CCDC88A: variants seen among roughly 807,000 people sequenced by gnomAD.
The protein encoded by CCDC88A is coiled-coil and HOOK domain protein 88A.
In CCDC88A, 54 loss-of-function variants were observed where a neutral mutation model predicts 234.3. That is an observed-to-expected ratio of 0.23 (90% confidence interval 0.19 to 0.29). The LOEUF (loss-of-function observed/expected upper bound fraction) is 0.29, where lower values mean the gene tolerates loss of function less well. Among genes scored for constraint, CCDC88A ranks in the 10% least tolerant of loss-of-function variants. The probability of loss-of-function intolerance (pLI) is 1.00; values close to 1 mark genes in which losing one functional copy is unlikely to be tolerated. For missense variants in CCDC88A, 1,832 were observed against 2,123.4 expected, an observed-to-expected ratio of 0.86 and a Z score of 2.70; for synonymous variants, 753 against 737.8, an observed-to-expected ratio of 1.02 and a Z score of -0.33.
chr2:55,390,003 T>C (rs1676346099), intron 2 of CCDC88A, among the ~76,000 whole-genome samples: 1 of 112,998 alleles, frequency 8.8e-6, no homozygotes, highest in South Asian at 2.7e-4. Context: ...ATCGCACCAC[T>C]GCACTCCAGC....
chr2:55,394,759 G>A (rs1195876966), intron 2 of CCDC88A: 1 of 150,896 alleles, frequency 6.6e-6, no homozygotes, highest in Non-Finnish European at 1.5e-5. Flanking sequence ...GTATACATAT[G>A]TAACAAACCT....
chr2:55,316,504 C>T (rs958329864), intron 21 of CCDC88A, among the ~76,000 whole-genome samples: 11 of 151,968 alleles, frequency 7.2e-5, no homozygotes, highest in Admixed American at 3.9e-4. Context: ...TCACTTGAGG[C>T]CAGGAGTTTG....
Position 55,308,799 on chromosome 2 carries a change from A to T in CCDC88A, c.4387+10T>A. On this transcript the variant is annotated intron_variant, in intron 25 of 32. Transcript: ENST00000436346. ...AATCAATACGATGTTTAAAGAGTTT[A>T]AGCACTCACTGCTGCTTTTCTTGGT... The T allele has an allele frequency of 6.2e-7, 1 of 1,602,796 alleles. No homozygotes were observed. The highest frequency in any genetic ancestry group is 8.5e-7 in the Non-Finnish European group (1 of 1,169,940).
At chr2:55,405,054 G>A (rs1045087857) in intron 2 of CCDC88A, 4 of 152,128 alleles carry the variant, frequency 2.6e-5, no homozygotes, top group Non-Finnish European at 4.4e-5. Flanking sequence ...AAAGGCAAAG[G>A]AATAAATGAC....
chr2:55,324,783 C>A (rs907143290), intron 17 of CCDC88A, among the ~76,000 whole-genome samples: 7 of 151,998 alleles, frequency 4.6e-5, no homozygotes, highest in African/African-American at 1.7e-4. Context: ...GTAGCTGGGA[C>A]TACAGGTGTG....
chr2:55,399,701 G>A (rs1678284308), intron 2 of CCDC88A: 1 of 152,070 alleles, frequency 6.6e-6, no homozygotes, highest in Non-Finnish European at 1.5e-5. Context: ...TCATTTACCT[G>A]AGGGAAAAAT....
At chr2:55,378,791 G>C (rs1307388278) in intron 3 of CCDC88A, among the ~76,000 whole-genome samples, 1 of 149,864 alleles carries the variant, frequency 6.7e-6, no homozygotes, top group Non-Finnish European at 1.5e-5. Context: ...TGTCACCCAG[G>C]CTGGAGTGCA....
intron 7 of CCDC88A, 133 bp from the exon 8 acceptor site, chr2:55,355,884 C>G (rs539418941): frequency 1.6e-6 from 1 of 629,014 alleles, no homozygotes; most frequent in East Asian, 2.8e-5. Context: ...TCTTAACTAT[C>G]ATATTTAGTT....
intron 9 of CCDC88A, 51 bp downstream of exon 9, chr2:55,349,467 C>A (rs2104742155): frequency 1.6e-6 from 2 of 1,278,528 alleles, no homozygotes; most frequent in East Asian, 2.3e-5. Flanking sequence ...GGAAGAAAAT[C>A]AATTTCCAAT....
chr2:55,359,355 C>T (rs1332071766), intron 7 of CCDC88A, among the ~76,000 whole-genome samples: 9 of 151,836 alleles, frequency 5.9e-5, no homozygotes, highest in Admixed American at 4.6e-4. Context: ...CTACATATTA[C>T]AAAATATTAA....
chr2:55,350,843 G>A (rs766125601), intron 8 of CCDC88A, among the ~76,000 whole-genome samples: 44 of 151,800 alleles, frequency 2.9e-4, no homozygotes, highest in Non-Finnish European at 4.9e-4. Context: ...GTAGACACGG[G>A]GTCTCACTCT....
intron 16 of CCDC88A, chr2:55,329,274 G>GT (rs1684642381): frequency 6.6e-6 from 1 of 152,122 alleles, no homozygotes; most frequent in Admixed American, 6.5e-5. Flanking sequence ...ACAATTCAGT[G>GT]TATCATAAAC....
In CCDC88A at chr2:55,296,539, G is replaced by C. The variant is rs1553385165; in HGVS notation, c.4826-16C>G. 6.2e-7 allele frequency: 1 copy of C among 1,607,870 alleles called. No individual in the cohort carries two copies. ...ACTGCACCTGCTTTTGGAGTAAATG[G>C]GGTGTTGAGATTTCAATAATAGAAT... On this transcript the variant is annotated splice_polypyrimidine_tract_variant and intron_variant, in intron 29 of 32. Coordinates refer to ENST00000436346, the MANE Select transcript of CCDC88A (RefSeq NM_001365480.1).
chr2:55,376,626 T>G (rs537253777), intron 3 of CCDC88A, among the ~76,000 whole-genome samples: 1 of 152,194 alleles, frequency 6.6e-6, no homozygotes, highest in African/African-American at 2.4e-5. Flanking sequence ...AAAATATGCC[T>G]GCATTTAAAG....
chr2:55,404,301 A>C (rs1679195430), intron 2 of CCDC88A: 1 of 152,206 alleles, frequency 6.6e-6, no homozygotes. Flanking sequence ...TCTTTTTTCC[A>C]ATCATCAATT....
rs1679949384 is a variant in CCDC88A at position 55,295,671 on chromosome 2, G to T, written c.5477C>A (p.Thr1826Asn). 1.2e-6 allele frequency: 2 copies of T among 1,614,104 alleles called. No homozygotes were observed. The highest frequency in any genetic ancestry group is 1.6e-4 in the Middle Eastern group (1 of 6,084). ...TGATATAGGCAGTCTACTGTCCTTG[G>T]TCAAAAAATCATGGATGCTTGTCCT... is the stretch of plus-strand genomic sequence containing the variant. ...TRRTSIHDFLTKDSRLPISVD... is the reference protein window; with the variant it reads ...TRRTSIHDFLNKDSRLPISVD... The change falls in exon 31 of 33, where the codon ACC (threonine) becomes AAC (asparagine). Residue 1826 changes from threonine (T) to asparagine (N), a missense_variant. Coordinates refer to ENST00000436346, the MANE Select transcript of CCDC88A (RefSeq NM_001365480.1).
Position 55,332,590 on chromosome 2 carries a change from T to G in CCDC88A, c.2831A>C (p.His944Pro). ...KIGLNKERLL[H>P]DEQSTDDSRY... ...CCTGTCATCAGTACTTTGTTCATCA[T>G]GTAAGAGTCGCTCCTTATTTAACCC... is the stretch of plus-strand genomic sequence containing the variant. Residue 944 changes from histidine (H) to proline (P), a missense_variant, in exon 16 of 33, where the codon CAT becomes CCT. Transcript: ENST00000436346. This position sits in a 1 kb window ranked among gnomAD's most constrained non-coding sequence, Gnocchi z 4.5. 3 of 1,613,588 alleles carry G rather than the reference T, an allele frequency of 1.9e-6. No individual in the cohort carries two copies. Among genetic ancestry groups the G allele is most frequent in the South Asian group, 2.2e-5 (2 of 91,070 alleles).
chr2:55,354,003 C>T (rs2104757457), intron 8 of CCDC88A, among the ~76,000 whole-genome samples: 1 of 152,236 alleles, frequency 6.6e-6, no homozygotes, highest in Non-Finnish European at 1.5e-5. Flanking sequence ...TAGCCTATTG[C>T]TTCTCAAACT....
chr2:55,402,271 T>C (rs1678828538), intron 2 of CCDC88A, among the ~76,000 whole-genome samples: 1 of 152,224 alleles, frequency 6.6e-6, no homozygotes, highest in Non-Finnish European at 1.5e-5. Context: ...GGAAATAACA[T>C]TCTTTCACTT....
Sources: allele counts gnomAD v4.1 joint callset (sites outside exome capture counted in the v4.1 genomes callset), GRCh38; gene constraint gnomAD v4.1.1; non-coding constraint Gnocchi (gnomAD v3.1); transcripts MANE v1.5; gene names NCBI Gene and HGNC (gene_info 2026-07-23, HGNC 2026-07-21).